DYNC2H1: variants seen among roughly 807,000 people sequenced by gnomAD.
The protein encoded by DYNC2H1 is dynein cytoplasmic 2 heavy chain 1.
In DYNC2H1, 410 loss-of-function variants were observed where a neutral mutation model predicts 570.0. The ratio of observed to expected loss-of-function variants is 0.72; its 90% CI spans 0.66 to 0.78. DYNC2H1 has a LOEUF of 0.78. Ranked by LOEUF, DYNC2H1 falls within the 30% of genes least tolerant of loss-of-function variation. The pLI, the probability that DYNC2H1 is intolerant of heterozygous loss-of-function variation, is 0.00. For missense variants in DYNC2H1, 4,865 were observed against 5,046.4 expected (o/e 0.96, Z 1.09); for synonymous variants, 1,688 against 1,677.6 (o/e 1.01, Z -0.15).
chr11:103,154,335 A>G (rs1860706796), intron 22 of DYNC2H1, 116 bp from the exon 23 acceptor site: 2 of 797,490 alleles, frequency 2.5e-6, no homozygotes, highest in Non-Finnish European at 3.7e-6. Flanking sequence ...TCTATTAAAC[A>G]TACACAAGTG....
intron 73 of DYNC2H1, among the ~76,000 whole-genome samples, chr11:103,285,134 C>T (rs79145264): frequency 6.6e-6 from 1 of 152,210 alleles, no homozygotes; most frequent in Admixed American, 6.5e-5. Flanking sequence ...AAAAACAGAG[C>T]TTGACAGAGT....
chr11:103,273,155 T>C (rs1865776940), intron 70 of DYNC2H1, among the ~76,000 whole-genome samples: 1 of 151,332 alleles, frequency 6.6e-6, no homozygotes, highest in South Asian at 2.1e-4. Flanking sequence ...TTTCTTTTCT[T>C]TTTCTTTTCT....
At chr11:103,154,035 A>G (rs1167407918) in intron 22 of DYNC2H1, among the ~76,000 whole-genome samples, 1 of 151,974 alleles carries the variant, frequency 6.6e-6, no homozygotes, top group Non-Finnish European at 1.5e-5. Context: ...TATACTGATT[A>G]GATTAAGGAT....
At chr11:103,434,057 G>A (rs1055690883) in intron 84 of DYNC2H1, among the ~76,000 whole-genome samples, 2 of 152,076 alleles carry the variant, frequency 1.3e-5, no homozygotes, top group African/African-American at 2.4e-5. Flanking sequence ...CCTTCTGAGC[G>A]CTGGATTCTA....
At chr11:103,398,774 A>G (rs1259397341) in intron 83 of DYNC2H1, among the ~76,000 whole-genome samples, 1 of 152,162 alleles carries the variant, frequency 6.6e-6, no homozygotes, top group African/African-American at 2.4e-5. Context: ...TTTGGAAACA[A>G]ATGGGATTCC....
chr11:103,291,095 C>T (rs1866577206), intron 75 of DYNC2H1, among the ~76,000 whole-genome samples: 1 of 152,100 alleles, frequency 6.6e-6, no homozygotes, highest in Non-Finnish European at 1.5e-5. Context: ...CTACATATAA[C>T]CTGTTTTAAT....
At chr11:103,434,036 T>C (rs1943981649) in intron 84 of DYNC2H1, among the ~76,000 whole-genome samples, 2 of 152,134 alleles carry the variant, frequency 1.3e-5, no homozygotes, top group South Asian at 4.1e-4. Flanking sequence ...GATTAATTGC[T>C]CTTGGCTTTA....
chr11:103,299,250 C>G lies in DYNC2H1; in HGVS notation c.11096-3843C>G, dbSNP rs1202715810. On this transcript the variant is annotated intron_variant, in intron 75 of 88. Coordinates refer to ENST00000375735, the MANE Select transcript of DYNC2H1 (RefSeq NM_001377.3). This position sits in a 1 kb window ranked among gnomAD's most constrained non-coding sequence, Gnocchi z 4.5. ...TATGGCATCATCCCATCCCATGCAC[C>G]CTGCTTTCATAGCTCAATCTGTCTT... Among the ~76,000 whole-genome samples, 3 of 151,964 alleles carry G rather than the reference C, an allele frequency of 2.0e-5. No individual in the cohort carries two copies. Among genetic ancestry groups the G allele is most frequent in the African/African-American group, 7.2e-5 (3 of 41,380 alleles).
rs1373618449 is a variant in DYNC2H1, at chr11:103,305,694, A to G, written c.11382+974A>G. ...TCTCTGCAGTCCTAATTAATTGGCA[A>G]CTACACACTTCCACAAATAGTCAGT... On this transcript the variant is annotated intron_variant, in intron 77 of 88. Coordinates refer to ENST00000375735, the MANE Select transcript of DYNC2H1 (RefSeq NM_001377.3). This position sits in a 1 kb window ranked among gnomAD's most constrained non-coding sequence, Gnocchi z 4.3. Among the ~76,000 whole-genome samples the G allele has an allele frequency of 1.4e-5, 2 of 143,796 alleles. No individual in the cohort carries two copies. Among genetic ancestry groups the G allele is most frequent in the African/African-American group, 2.5e-5 (1 of 39,356 alleles). The allele number at this position is 143,796 out of a possible 152,430, so 94.3% of individuals were successfully genotyped here. A position where few individuals can be genotyped will look rare whatever the true frequency, so the allele number is the denominator to read the frequency against.
rs375299740 is a variant in DYNC2H1 at position 103,122,889 on chromosome 11, A to G, written c.1550A>G (p.His517Arg). Residue 517 changes from histidine (H) to arginine (R), a missense_variant, in exon 11 of 89, where the codon CAT becomes CGT. Transcript: ENST00000375735. Reference protein sequence around the residue: ...LSDLPGFRCFHQSAKDLLDQL... With the variant: ...LSDLPGFRCFRQSAKDLLDQL... Reference sequence around the variant, plus strand: ...GACTTGCCAGGATTTCGATGTTTCCATCAAAGTGCCAAAGATCTCTTAGAC... The same window carrying G: ...GACTTGCCAGGATTTCGATGTTTCCGTCAAAGTGCCAAAGATCTCTTAGAC... 1.1e-4 allele frequency: 184 copies of G among 1,613,170 alleles called. No individual in the cohort carries two copies. Among genetic ancestry groups the G allele is most frequent in the Middle Eastern group, 3.3e-4 (2 of 6,080 alleles).
intron 82 of DYNC2H1, among the ~76,000 whole-genome samples, chr11:103,338,829 TAGTC>T (rs1387548851): frequency 6.6e-6 from 1 of 152,244 alleles, no homozygotes; most frequent in African/African-American, 2.4e-5. Context: ...GTGCCCTATT[TAGTC>T]TGTTTGGTGA....
rs1555079495 is a variant in DYNC2H1 at position 103,245,167 on chromosome 11, AT to A, written c.9919-82del. The A allele has an allele frequency of 1.7e-6, 2 of 1,185,764 alleles. No homozygotes were observed. The highest frequency in any genetic ancestry group is 2.3e-6 in the Non-Finnish European group (2 of 863,448). The allele number at this position is 1,185,764 out of a possible 1,614,324, so 73.5% of individuals were successfully genotyped here. A position where few individuals can be genotyped will look rare whatever the true frequency, so the allele number is the denominator to read the frequency against. On this transcript the variant is annotated intron_variant, in intron 64 of 88. Transcript: ENST00000375735. This position sits in a 1 kb window ranked among gnomAD's most constrained non-coding sequence, Gnocchi z 4.5. ...AATTGTGTTTCTATAACATTTTGAA[AT>A]TACTGTAGAAAATCAAAGAAAGGAT...
In DYNC2H1 at chr11:103,399,149, G is replaced by GT. The variant is rs1241890291; in HGVS notation, c.12157-503dup. 6.5e-3 allele frequency among the ~76,000 whole-genome samples: 795 copies of GT among 122,176 alleles called. 20 individuals carry two copies. Among genetic ancestry groups the GT allele is most frequent in the South Asian group, 0.032 (128 of 3,988 alleles). 80.2% of individuals were successfully genotyped at this position (122,176 alleles called of 152,430 possible). On this transcript the variant is annotated intron_variant, in intron 83 of 88. Coordinates refer to ENST00000375735, the MANE Select transcript of DYNC2H1 (RefSeq NM_001377.3). ...TCATTTCCCACACCGTTTTTTTTTT[G>GT]TTTTTTTTTTTGAGATGGAGTCTCA...
chr11:103,336,047 T>G (rs1030367578), intron 82 of DYNC2H1, among the ~76,000 whole-genome samples: 1 of 152,206 alleles, frequency 6.6e-6, no homozygotes, highest in Non-Finnish European at 1.5e-5. Flanking sequence ...TCAGTCGCTT[T>G]TCTCCATAAA....
At chr11:103,290,384 G>T (rs528477102) in intron 75 of DYNC2H1, among the ~76,000 whole-genome samples, 1 of 152,264 alleles carries the variant, frequency 6.6e-6, no homozygotes, top group African/African-American at 2.4e-5. Context: ...TATGCAGGGG[G>T]AGGAAATGTC....
At chr11:103,463,951 T>C (rs1203896217) in intron 87 of DYNC2H1, among the ~76,000 whole-genome samples, 2 of 152,150 alleles carry the variant, frequency 1.3e-5, no homozygotes, top group South Asian at 2.1e-4. Context: ...ATTATAAATA[T>C]CGTATGTATG....
chr11:103,435,258 G>T (rs1020667945), intron 84 of DYNC2H1, among the ~76,000 whole-genome samples: 1 of 151,958 alleles, frequency 6.6e-6, no homozygotes, highest in Non-Finnish European at 1.5e-5. Context: ...TAAAATTGAC[G>T]TTCTCTCCTT....
chr11:103,253,161 T>C, intron 65 of DYNC2H1, 124 bp from the exon 66 acceptor site: 1 of 945,060 alleles, frequency 1.1e-6, no homozygotes, highest in Non-Finnish European at 1.5e-6. Context: ...GTAACCCAAC[T>C]TTTGCCGTCT....
chr11:103,257,125 G>A (rs1369070711), intron 68 of DYNC2H1, among the ~76,000 whole-genome samples: 2 of 152,166 alleles, frequency 1.3e-5, no homozygotes, highest in Non-Finnish European at 2.9e-5. Context: ...GGTCATGAGG[G>A]TGGAGCTCTC....
Sources: allele counts gnomAD v4.1 joint callset (sites outside exome capture counted in the v4.1 genomes callset), GRCh38; gene constraint gnomAD v4.1.1; non-coding constraint Gnocchi (gnomAD v3.1); transcripts MANE v1.5; gene names NCBI Gene and HGNC (gene_info 2026-07-23, HGNC 2026-07-21).